GPHN: variants seen among roughly 807,000 people sequenced by gnomAD.
GPHN encodes gephyrin.
In GPHN, 17 loss-of-function variants were observed where a neutral mutation model predicts 95.5. The observed-to-expected ratio is 0.18, with a 90% CI of 0.12 to 0.27. The LOEUF is 0.27. Ranked by LOEUF, GPHN falls within the 10% of genes least tolerant of loss-of-function variation. The pLI is 1.00. For synonymous variants in GPHN, 320 were observed against 322.5 expected (o/e 0.99, Z 0.08); for missense variants, 660 against 978.1 (o/e 0.67, Z 4.34).
chr14:67,086,741 AT>A (rs1265868500), intron 11 of GPHN, among the ~76,000 whole-genome samples: 2 of 150,992 alleles, frequency 1.3e-5, no homozygotes, highest in African/African-American at 4.9e-5. Context: ...TACTTACTGT[AT>A]TTAAACGTCT....
chr14:66,951,178 G>A (rs1253995785), intron 8 of GPHN, among the ~76,000 whole-genome samples: 2 of 151,754 alleles, frequency 1.3e-5, no homozygotes, highest in Non-Finnish European at 2.9e-5. Flanking sequence ...CACCCACCTC[G>A]GCCTCCCAAA....
At chr14:67,598,908 C>G in the GPHN span, among the ~76,000 whole-genome samples, 1 of 149,734 alleles carries the variant, frequency 6.7e-6, no homozygotes, top group African/African-American at 2.5e-5. Flanking sequence ...CGTGGTTTCA[C>G]CATGTTGGCC....
At chr14:66,560,651 A>T (rs1400625037) in intron 1 of GPHN, among the ~76,000 whole-genome samples, 2 of 152,094 alleles carry the variant, frequency 1.3e-5, no homozygotes, top group South Asian at 2.1e-4. Flanking sequence ...GCTGAGACAA[A>T]GGGGTTTTCT....
intron 4 of GPHN, among the ~76,000 whole-genome samples, chr14:66,850,702 A>C (rs2062544783): frequency 1.3e-5 from 2 of 152,140 alleles, no homozygotes; most frequent in Non-Finnish European, 2.9e-5. Context: ...GCAATAAAGA[A>C]TTATCTGACC....
chr14:66,855,987 A>G (rs1319665317), intron 4 of GPHN, among the ~76,000 whole-genome samples: 2 of 152,120 alleles, frequency 1.3e-5, no homozygotes, highest in East Asian at 3.9e-4. Flanking sequence ...CACATACAAT[A>G]TTGCTTTTTA....
At chr14:66,612,208 G>C (rs1016389124) in intron 1 of GPHN, among the ~76,000 whole-genome samples, 1 of 151,756 alleles carries the variant, frequency 6.6e-6, no homozygotes, top group Non-Finnish European at 1.5e-5. Context: ...TTCAAACCAA[G>C]TTATCACTTG....
chr14:67,673,276 G>A, the GPHN span, among the ~76,000 whole-genome samples: 1 of 152,058 alleles, frequency 6.6e-6, no homozygotes, highest in South Asian at 2.1e-4. Flanking sequence ...TCTGGGAAGT[G>A]GAGGTTGCAG....
chr14:67,367,937 C>G, the GPHN span, among the ~76,000 whole-genome samples: 4 of 151,932 alleles, frequency 2.6e-5, no homozygotes, highest in Admixed American at 1.3e-4. Flanking sequence ...TATTTTTGCC[C>G]TTCTTAGTTT....
intron 10 of GPHN, among the ~76,000 whole-genome samples, chr14:67,048,449 C>T (rs1334341040): frequency 6.6e-6 from 1 of 152,184 alleles, no homozygotes; most frequent in African/African-American, 2.4e-5. Context: ...AAACCTGTAG[C>T]ATCAATTTGT....
At chr14:67,216,808 T>G in the GPHN span, among the ~76,000 whole-genome samples, 1 of 152,220 alleles carries the variant, frequency 6.6e-6, no homozygotes, top group Non-Finnish European at 1.5e-5. Flanking sequence ...ATAAACTTTT[T>G]GACATTTGTT....
At chr14:67,032,691 C>T (rs1339455790) in intron 10 of GPHN, among the ~76,000 whole-genome samples, 2 of 152,180 alleles carry the variant, frequency 1.3e-5, no homozygotes, top group Non-Finnish European at 2.9e-5. Context: ...AAATTACATA[C>T]ACAGACCCAG....
chr14:67,191,234 A>C, the GPHN span, among the ~76,000 whole-genome samples: 1 of 145,892 alleles, frequency 6.9e-6, no homozygotes, highest in African/African-American at 2.5e-5. Flanking sequence ...ACTCCGTCTC[A>C]AAAAAAAACA....
the GPHN span, among the ~76,000 whole-genome samples, chr14:67,259,616 A>C: frequency 6.6e-6 from 1 of 151,950 alleles, no homozygotes; most frequent in Non-Finnish European, 1.5e-5. Flanking sequence ...TCTCTAAATA[A>C]ATACATGAAT....
intron 17 of GPHN, 50 bp from the exon 18 acceptor site, chr14:67,143,312 C>A: frequency 8.4e-7 from 1 of 1,190,386 alleles, no homozygotes; most frequent in South Asian, 1.2e-5. Context: ...GGCACTATAT[C>A]TAAAATCTTT....
intron 11 of GPHN, among the ~76,000 whole-genome samples, chr14:67,070,471 G>A (rs2076243589): frequency 6.7e-6 from 1 of 149,820 alleles, no homozygotes; most frequent in African/African-American, 2.5e-5. Flanking sequence ...GCCGAGGTGG[G>A]CGGGTCACAA....
Position 67,023,614 on chromosome 14 carries a change from G to A in GPHN, c.964-19G>A. 1 of 1,610,314 alleles carries A rather than the reference G, an allele frequency of 6.2e-7. No homozygotes were observed. Among genetic ancestry groups the A allele is most frequent in the Non-Finnish European group, 8.5e-7 (1 of 1,176,670 alleles). ...CATGCTATAAACCCTAAATTACTGA[G>A]TTTATGCTCTTTCTACAGGTCCAGT... On this transcript the variant is annotated intron_variant, in intron 9 of 22. Transcript: ENST00000478722.
the GPHN span, among the ~76,000 whole-genome samples, chr14:67,724,281 C>T: frequency 2.0e-5 from 3 of 152,200 alleles, no homozygotes; most frequent in East Asian, 3.9e-4. Flanking sequence ...CCACCTGCAC[C>T]GATAAACAGG....
intron 10 of GPHN, among the ~76,000 whole-genome samples, chr14:67,029,187 T>C (rs2074065255): frequency 6.6e-6 from 1 of 152,176 alleles, no homozygotes. Context: ...TTCTGTTTCA[T>C]TGATCTATAT....
chr14:66,524,621 A>G lies in GPHN; in HGVS notation c.64+16030A>G, dbSNP rs558892942. ...CATCAACCTGTCATCTACATTAGGT[A>G]TTTCTCCTAATGCTATCCCTCCCGC... On this transcript the variant is annotated intron_variant, in intron 1 of 22. Transcript: ENST00000478722. Among the ~76,000 whole-genome samples, 311 of 152,120 alleles carry G rather than the reference A, an allele frequency of 2.0e-3. 2 individuals are homozygous for G. Among genetic ancestry groups the G allele is most frequent in the African/African-American group, 7.2e-3 (298 of 41,492 alleles).
Sources: gnomAD v4.1 joint callset for allele counts (sites outside exome capture counted in the v4.1 genomes callset) on GRCh38, gnomAD v4.1.1 for gene constraint, MANE v1.5 for transcripts, NCBI Gene and HGNC (gene_info 2026-07-23, HGNC 2026-07-21) for gene names.